ENAM: variants seen among roughly 807,000 people sequenced by gnomAD.
The protein encoded by ENAM is enamelin.
Under a neutral mutation model 33.6 loss-of-function variants are expected in ENAM, and 21 were observed. The ratio of observed to expected loss-of-function variants is 0.63; its 90% CI spans 0.44 to 0.90. The LOEUF (loss-of-function observed/expected upper bound fraction) is 0.90, where lower values mean the gene tolerates loss of function less well. Ranked by LOEUF, ENAM falls within the 40% of genes least tolerant of loss-of-function variation. The pLI, the probability that ENAM is intolerant of heterozygous loss-of-function variation, is 0.00. For synonymous variants in ENAM, 473 were observed against 468.4 expected (o/e 1.01, Z -0.13); for missense variants, 1,388 against 1,366.9 (o/e 1.02, Z -0.24).
chr4:70,642,043 A>C lies in ENAM; in HGVS notation c.617A>C (p.His206Pro). 1.2e-6 allele frequency: 2 copies of C among 1,613,878 alleles called. No individual in the cohort carries two copies. Among genetic ancestry groups the C allele is most frequent in the East Asian group, 2.2e-5 (1 of 44,890 alleles). ...CCTTACTTTGGATATTTTGGATATC[A>C]TGGCTTTGGGGGTCGCCCTCCTTAT... is the stretch of plus-strand genomic sequence containing the variant. ...GNPYFGYFGY[H>P]GFGGRPPYYS... Residue 206 changes from histidine (H) to proline (P), a missense_variant, in exon 9 of 9, where the codon CAT becomes CCT. Physicochemically the swap from His to Pro is moderately conservative, Grantham distance 77. Coordinates refer to ENST00000396073, the MANE Select transcript of ENAM (RefSeq NM_031889.3).
At position 70,634,432 on chromosome 4, in the gene ENAM, G is replaced by T; in HGVS notation, c.335G>T (p.Arg112Leu). Residue 112 changes from arginine to leucine, a missense_variant, in exon 6 of 9, where the codon CGT becomes CTT. Transcript: ENST00000396073. ...WHPRKSSAPK[R>L]HNKTDQTQET... ...CCACGGAAATCCTCAGCACCCAAAC[G>T]TCATAACAAGACTGATCAGACCCAA... 1 of 1,614,016 alleles carries T rather than the reference G, an allele frequency of 6.2e-7. No homozygotes were observed.
At chr4:70,634,851 A>G (rs569137849) in intron 6 of ENAM, among the ~76,000 whole-genome samples, 24 of 152,344 alleles carry the variant, frequency 1.6e-4, no homozygotes, top group Admixed American at 1.5e-3. Context: ...TTCAAGTCCT[A>G]TGCCTGGTCC....
At position 70,637,838 on chromosome 4, in the gene ENAM, G is replaced by C; in HGVS notation, c.583G>C (p.Gly195Arg). 6.2e-7 allele frequency: 1 copy of C among 1,607,850 alleles called. No homozygotes were observed. The highest frequency in any genetic ancestry group is 2.2e-5 in the East Asian group (1 of 44,828). Residue 195 changes from glycine (G) to arginine (R), a missense_variant, in exon 8 of 9, where the codon GGG (glycine) becomes CGG (arginine). Physicochemically the swap from Gly to Arg is moderately radical, Grantham distance 125. Transcript: ENST00000396073. Reference sequence around the variant, plus strand: ...ACGCCCACCAATCAGCAATGAAGAAGGGGGGGTAAGTACAAGTAAAACTAC... The same window carrying C: ...ACGCCCACCAATCAGCAATGAAGAACGGGGGGTAAGTACAAGTAAAACTAC... ...YGRPPISNEE[G>R]GNPYFGYFGY...
chr4:70,643,875 C>A lies in ENAM; in HGVS notation c.2449C>A (p.Leu817Ile). The A allele has an allele frequency of 6.2e-7, 1 of 1,614,186 alleles. No individual in the cohort carries two copies. Among genetic ancestry groups the A allele is most frequent in the Non-Finnish European group, 8.5e-7 (1 of 1,180,024 alleles). Residue 817 changes from leucine to isoleucine, a missense_variant, in exon 9 of 9, where the codon CTT becomes ATT. Transcript: ENST00000396073. Reference protein sequence around the residue: ...QPYYSNTPAGLQKNPIWHEGE... With the variant: ...QPYYSNTPAGIQKNPIWHEGE... ...CTATTACAGTAACACCCCAGCTGGG[C>A]TTCAGAAAAATCCAATATGGCATGA... is the stretch of plus-strand genomic sequence containing the variant.
rs1738750294 is a variant in ENAM at position 70,645,958 on chromosome 4, A to G, written c.*1103A>G. ...CGCTCTGAGACTGCACATCCAGGAA[A>G]AAAGACTAGGACTTGCCACACACTG... On this transcript the variant is annotated 3_prime_UTR_variant, in exon 9 of 9. Coordinates refer to ENST00000396073, the MANE Select transcript of ENAM (RefSeq NM_031889.3). The G allele has an allele frequency of 6.6e-6, 1 of 152,232 alleles. No homozygotes were observed. The highest frequency in any genetic ancestry group is 2.4e-5 in the African/African-American group (1 of 41,462). The allele number at this position is 152,232 out of a possible 1,614,324, so 9.4% of individuals were successfully genotyped here.
At position 70,644,592 on chromosome 4, in the gene ENAM, C is replaced by G. The variant is rs750638639; in HGVS notation, c.3166C>G (p.Pro1056Ala). 1 of 1,613,024 alleles carries G rather than the reference C, an allele frequency of 6.2e-7. No individual in the cohort carries two copies. Among genetic ancestry groups the G allele is most frequent in the Admixed American group, 1.7e-5 (1 of 59,952 alleles). The part of the protein sequence containing the change: ...QQRPSNILHL[P>A]CFGSKLAKHH... ...AAGACCATCTAACATTCTGCATTTG[C>G]CATGCTTTGGCTCCAAATTAGCAAA... Residue 1056 changes from proline to alanine, a missense_variant, in exon 9 of 9, where the codon CCA (proline) becomes GCA (alanine). Coordinates refer to ENST00000396073, the MANE Select transcript of ENAM (RefSeq NM_031889.3).
At position 70,642,355 on chromosome 4, in the gene ENAM, G is replaced by T; in HGVS notation, c.929G>T (p.Arg310Ile). The T allele has an allele frequency of 1.2e-6, 2 of 1,614,182 alleles. No homozygotes were observed. The highest frequency in any genetic ancestry group is 2.2e-5 in the South Asian group (2 of 91,084). Reference sequence around the variant, plus strand: ...GGGCCAGGAAGTCAAATCCCATGGAGACCAAGTCAGCCAAATATTCGTGAA... The same window carrying T: ...GGGCCAGGAAGTCAAATCCCATGGATACCAAGTCAGCCAAATATTCGTGAA... The part of the protein sequence containing the change: ...QGGPGSQIPW[R>I]PSQPNIRENH... Residue 310 changes from arginine to isoleucine, a missense_variant, in exon 9 of 9, where the codon AGA (arginine) becomes ATA (isoleucine). Arg to Ile is a moderately conservative substitution (Grantham distance 97). Coordinates refer to ENST00000396073, the MANE Select transcript of ENAM (RefSeq NM_031889.3).
chr4:70,642,478 G>C lies in ENAM; in HGVS notation c.1052G>C (p.Arg351Thr). The part of the protein sequence containing the change: ...MGHRQNRPFY[R>T]NQQVQRGPRW... Reference sequence around the variant, plus strand: ...CACAGACAGAATAGGCCTTTTTACAGAAATCAACAAGTTCAAAGGGGTCCT... The same window carrying C: ...CACAGACAGAATAGGCCTTTTTACACAAATCAACAAGTTCAAAGGGGTCCT... The change falls in exon 9 of 9, where the codon AGA becomes ACA. Residue 351 changes from arginine (R) to threonine (T), a missense_variant. Transcript: ENST00000396073. 1 of 1,614,130 alleles carries C rather than the reference G, an allele frequency of 6.2e-7. No individual in the cohort carries two copies. The highest frequency in any genetic ancestry group is 2.2e-5 in the East Asian group (1 of 44,886).
At chr4:70,635,222 CA>C (rs1451444421) in intron 6 of ENAM, among the ~76,000 whole-genome samples, 1 of 152,026 alleles carries the variant, frequency 6.6e-6, no homozygotes, top group Non-Finnish European at 1.5e-5. Flanking sequence ...ACTAAAAATA[CA>C]AAAAGTAGCT....
rs1278815762 is a variant in ENAM, at chr4:70,630,867, A to G, written c.55-803A>G. ...AGCGATTCTCCTGCCTCAGCCTCCC[A>G]AGTGGCTGGTATTACAGGTGTGAGA... On this transcript the variant is annotated intron_variant, in intron 2 of 8. Transcript: ENST00000396073. 7.4e-4 allele frequency among the ~76,000 whole-genome samples: 112 copies of G among 151,920 alleles called. 3 individuals carry two copies. Among genetic ancestry groups the G allele is most frequent in the Non-Finnish European group, 4.4e-5 (3 of 67,926 alleles).
At position 70,642,531 on chromosome 4, in the gene ENAM, A is replaced by G; in HGVS notation, c.1105A>G (p.Lys369Glu). 1 of 1,614,132 alleles carries G rather than the reference A, an allele frequency of 6.2e-7. No individual in the cohort carries two copies. Among genetic ancestry groups the G allele is most frequent in the South Asian group, 1.1e-5 (1 of 91,074 alleles). The change falls in exon 9 of 9, where the codon AAA becomes GAA. Residue 369 changes from lysine to glutamate, a missense_variant. By Grantham distance (56) the Lys-to-Glu change is moderately conservative. Transcript: ENST00000396073. ...PRWNFFAWER[K>E]QVARPGNPVY... Reference sequence around the variant, plus strand: ...GTGGAACTTCTTTGCTTGGGAACGTAAACAAGTAGCTCGTCCAGGAAATCC... The same window carrying G: ...GTGGAACTTCTTTGCTTGGGAACGTGAACAAGTAGCTCGTCCAGGAAATCC...
intron 5 of ENAM, among the ~76,000 whole-genome samples, chr4:70,634,053 T>C (rs1738388679): frequency 6.6e-6 from 1 of 152,216 alleles, no homozygotes; most frequent in Admixed American, 6.5e-5. Flanking sequence ...ATCAGTCAAA[T>C]TCTTAAACTG....
At position 70,644,754 on chromosome 4, in the gene ENAM, G is replaced by A. The variant is rs767626520; in HGVS notation, c.3328G>A (p.Val1110Ile). 29 of 1,613,940 alleles carry A rather than the reference G, an allele frequency of 1.8e-5. No individual in the cohort carries two copies. The highest frequency in any genetic ancestry group is 2.1e-5 in the Non-Finnish European group (25 of 1,179,938). The change falls in exon 9 of 9, where the codon GTA becomes ATA. Residue 1110 changes from valine to isoleucine, a missense_variant. Val to Ile is a conservative substitution (Grantham distance 29). Coordinates refer to ENST00000396073, the MANE Select transcript of ENAM (RefSeq NM_031889.3). Reference protein sequence around the residue: ...ATEEQFKSINVDPLDADEHSP... With the variant: ...ATEEQFKSINIDPLDADEHSP... ...TGAGGAACAATTTAAGAGTATAAAT[G>A]TAGACCCACTTGATGCAGATGAACA... is the stretch of plus-strand genomic sequence containing the variant.
At chr4:70,630,300 G>A (rs956633482) in intron 2 of ENAM, among the ~76,000 whole-genome samples, 4 of 152,188 alleles carry the variant, frequency 2.6e-5, no homozygotes, top group Non-Finnish European at 4.4e-5. Context: ...ACAGAAGGGT[G>A]AGCATTGGCT....
chr4:70,645,239 G>GATACGCCGACCACC lies in ENAM; in HGVS notation c.*384_*385insATACGCCGACCACC. 4.6e-5 allele frequency: 13 copies of GATACGCCGACCACC among 283,000 alleles called. No homozygotes were observed. The highest frequency in any genetic ancestry group is 3.2e-4 in the South Asian group (4 of 12,486). 17.5% of individuals were successfully genotyped at this position (283,000 alleles called of 1,614,324 possible). A position where few individuals can be genotyped will look rare whatever the true frequency, so the allele number is the denominator to read the frequency against. On this transcript the variant is annotated 3_prime_UTR_variant, in exon 9 of 9. Transcript: ENST00000396073. ...CAGATTAACTTTCCATTCTACTTAT[G>GATACGCCGACCACC]GAGATCCACACATCAGTATAGTCCT...
chr4:70,643,227 C>T lies in ENAM; in HGVS notation c.1801C>T (p.Pro601Ser), dbSNP rs963090576. 4 of 1,613,668 alleles carry T rather than the reference C, an allele frequency of 2.5e-6. No individual in the cohort carries two copies. Among genetic ancestry groups the T allele is most frequent in the Non-Finnish European group, 3.4e-6 (4 of 1,179,930 alleles). The change falls in exon 9 of 9, where the codon CCT becomes TCT. Residue 601 changes from proline (P) to serine (S), a missense_variant. Pro to Ser is a moderately conservative substitution (Grantham distance 74). Coordinates refer to ENST00000396073, the MANE Select transcript of ENAM (RefSeq NM_031889.3). ...SHGSRGSVFYPEYNPYDPREN... is the reference protein window; with the variant it reads ...SHGSRGSVFYSEYNPYDPREN... ...TGGTTCTAGAGGAAGTGTTTTCTAC[C>T]CTGAATATAACCCATATGATCCCAG...
chr4:70,637,507 G>A (rs188407576), intron 7 of ENAM, among the ~76,000 whole-genome samples: 3 of 152,142 alleles, frequency 2.0e-5, no homozygotes, highest in African/African-American at 7.2e-5. Context: ...TTTGAGTGTT[G>A]GAGGTGGTAA....
Position 70,634,418 on chromosome 4 carries a change from C to T in ENAM, c.321C>T (p.Ser107=), listed in dbSNP as rs1456004416. The T allele has an allele frequency of 3.7e-6, 6 of 1,613,996 alleles. No homozygotes were observed. Among genetic ancestry groups the T allele is most frequent in the Non-Finnish European group, 4.2e-6 (5 of 1,180,022 alleles). Reference sequence around the variant, plus strand: ...CCAACACATGGCATCCACGGAAATCCTCAGCACCCAAACGTCATAACAAGA... The same window carrying T: ...CCAACACATGGCATCCACGGAAATCTTCAGCACCCAAACGTCATAACAAGA... The part of the protein sequence containing the change: ...PPPNTWHPRK[S]SAPKRHNKTD... Residue 107 remains serine, a synonymous_variant, in exon 6 of 9, where the codon TCC becomes TCT. Coordinates refer to ENST00000396073, the MANE Select transcript of ENAM (RefSeq NM_031889.3).
chr4:70,642,547 C>A lies in ENAM; in HGVS notation c.1121C>A (p.Pro374Gln). ...TGGGAACGTAAACAAGTAGCTCGTC[C>A]AGGAAATCCAGTTTATCACAAAGCT... is the stretch of plus-strand genomic sequence containing the variant. Reference protein sequence around the residue: ...FAWERKQVARPGNPVYHKAYP... With the variant: ...FAWERKQVARQGNPVYHKAYP... Residue 374 changes from proline to glutamine, a missense_variant, in exon 9 of 9, where the codon CCA (proline) becomes CAA (glutamine). Coordinates refer to ENST00000396073, the MANE Select transcript of ENAM (RefSeq NM_031889.3). 6.2e-7 allele frequency: 1 copy of A among 1,614,018 alleles called. No homozygotes were observed. The highest frequency in any genetic ancestry group is 8.5e-7 in the Non-Finnish European group (1 of 1,179,980).
Sources: allele counts gnomAD v4.1 joint callset (sites outside exome capture counted in the v4.1 genomes callset), GRCh38; gene constraint gnomAD v4.1.1; transcripts MANE v1.5; gene names NCBI Gene and HGNC (gene_info 2026-07-23, HGNC 2026-07-21).